TIMM17A: variants seen among roughly 807,000 people sequenced by gnomAD.
TIMM17A encodes mitochondrial import inner membrane translocase subunit Tim17-A.
Under a neutral mutation model 26.5 loss-of-function variants are expected in TIMM17A, and 15 were observed. The observed-to-expected ratio is 0.57, with a 90% CI of 0.38 to 0.87. TIMM17A has a LOEUF of 0.87. Among genes scored for constraint, TIMM17A ranks in the 40% least tolerant of loss-of-function variants. The probability of loss-of-function intolerance (pLI) is 0.00; values close to 1 mark genes in which losing one functional copy is unlikely to be tolerated. For missense variants in TIMM17A, 201 were observed against 210.0 expected, an observed-to-expected ratio of 0.96 and a Z score of 0.27; for synonymous variants, 80 against 70.8, an observed-to-expected ratio of 1.13 and a Z score of -0.66.
At chr1:201,963,335 C>T (rs950418698) in intron 3 of TIMM17A, 8 of 263,374 alleles carry the variant, frequency 3.0e-5, no homozygotes, top group East Asian at 1.3e-4. Flanking sequence ...TTCAGCCTCC[C>T]AAAGTGCTGG....
Position 201,957,507 on chromosome 1 carries a change from A to G in TIMM17A, c.127-4A>G, listed in dbSNP as rs745706800. ...TTTTTGTTGCTTCCTTTTTTTTGTT[A>G]TAGGGAGTAAACCACAGACTACGAG... On this transcript the variant is annotated splice_region_variant and splice_polypyrimidine_tract_variant and intron_variant, in intron 2 of 5. Transcript: ENST00000367287. 4 of 1,612,972 alleles carry G rather than the reference A, an allele frequency of 2.5e-6. No homozygotes were observed. The highest frequency in any genetic ancestry group is 2.7e-5 in the African/African-American group (2 of 74,906).
At chr1:201,961,817 C>A (rs745981650) in intron 3 of TIMM17A, among the ~76,000 whole-genome samples, 5 of 151,916 alleles carry the variant, frequency 3.3e-5, no homozygotes, top group Non-Finnish European at 5.9e-5. Context: ...TCATTATTTT[C>A]TTCCTTTTCA....
At chr1:201,965,159 C>T (rs1404740284) in intron 4 of TIMM17A, among the ~76,000 whole-genome samples, 1 of 152,080 alleles carries the variant, frequency 6.6e-6, no homozygotes, top group Non-Finnish European at 1.5e-5. Context: ...CCCATGTTGG[C>T]CAGGCTGGTC....
intron 3 of TIMM17A, among the ~76,000 whole-genome samples, chr1:201,959,438 G>A (rs1257174542): frequency 6.6e-6 from 1 of 151,944 alleles, no homozygotes; most frequent in Non-Finnish European, 1.5e-5. Context: ...GGTGGATCAC[G>A]AGGTCAGGAG....
At chr1:201,966,990 GTT>G (rs1026757792) in intron 5 of TIMM17A, among the ~76,000 whole-genome samples, 6 of 35,480 alleles carry the variant, frequency 1.7e-4, no homozygotes, top group Admixed American at 4.4e-4. Flanking sequence ...TATTATATAT[GTT>G]GTGTGTGTGT....
At position 201,963,744 on chromosome 1, in the gene TIMM17A, A is replaced by G. The variant is rs951744781; in HGVS notation, c.319A>G (p.Asn107Asp). 2.5e-6 allele frequency: 4 copies of G among 1,596,534 alleles called. No homozygotes were observed. The African/African-American group carries it at 4.1e-5, about 16-fold the overall frequency. ...AACGGGAGCCATACTGGCAGCAAGA[A>G]GTAAGTAGTCATTACAGACATACTA... The part of the protein sequence containing the change: ...ALTGAILAAR[N>D]GPVAMVGSAA... Residue 107 changes from asparagine to aspartate, a missense_variant and splice_region_variant, in exon 4 of 6, where the codon AAT becomes GAT. By Grantham distance (23) the Asn-to-Asp change is conservative (BLOSUM62 1). Transcript: ENST00000367287.
intron 1 of TIMM17A, 86 bp downstream of exon 1, chr1:201,955,638 C>A: frequency 6.4e-7 from 1 of 1,573,550 alleles, no homozygotes; most frequent in Non-Finnish European, 8.7e-7. Flanking sequence ...AAGGTGCAAG[C>A]CAGACTCAAC....
At chr1:201,962,278 A>C (rs1411872233) in intron 3 of TIMM17A, 6 of 152,206 alleles carry the variant, frequency 3.9e-5, no homozygotes, top group Non-Finnish European at 7.3e-5. Context: ...ATAGGATGTG[A>C]TGTCTAATAT....
At chr1:201,962,445 C>G (rs2102943605) in intron 3 of TIMM17A, 1 of 152,394 alleles carries the variant, frequency 6.6e-6, no homozygotes, top group South Asian at 2.1e-4. Flanking sequence ...CTCCTGGGTT[C>G]ACACCATTCT....
At position 201,959,260 on chromosome 1, in the gene TIMM17A, G is replaced by A. The variant is rs1048283051; in HGVS notation, c.190+1686G>A. Reference sequence around the variant, plus strand: ...AGTCCCAGCTACTCAGGAGGCTGACGCAGGAGAATCGCTTGAACCCAGGAG... The same window carrying A: ...AGTCCCAGCTACTCAGGAGGCTGACACAGGAGAATCGCTTGAACCCAGGAG... On this transcript the variant is annotated intron_variant, in intron 3 of 5. Transcript: ENST00000367287. Among the ~76,000 whole-genome samples, 9 of 152,176 alleles carry A rather than the reference G, an allele frequency of 5.9e-5. 1 individual carries two copies. The highest frequency in any genetic ancestry group is 1.0e-4 in the Non-Finnish European group (7 of 68,020).
In TIMM17A at chr1:201,957,503, T is replaced by TG; in HGVS notation, c.127-7dup. 2 of 1,612,356 alleles carry TG rather than the reference T, an allele frequency of 1.2e-6. No homozygotes were observed. The highest frequency in any genetic ancestry group is 1.7e-6 in the Non-Finnish European group (2 of 1,179,528). On this transcript the variant is annotated splice_polypyrimidine_tract_variant and splice_region_variant and intron_variant, in intron 2 of 5. Transcript: ENST00000367287. The stretch of plus-strand genomic sequence containing the variant: ...ATATTTTTTGTTGCTTCCTTTTTTT[T>TG]GTTATAGGGAGTAAACCACAGACTA...
intron 3 of TIMM17A, among the ~76,000 whole-genome samples, chr1:201,958,318 A>T (rs1338072242): frequency 6.6e-6 from 1 of 152,220 alleles, no homozygotes; most frequent in Non-Finnish European, 1.5e-5. Flanking sequence ...ATTTGAAAAG[A>T]TTCTATTCAT....
At chr1:201,964,969 T>A (rs1000328603) in intron 4 of TIMM17A, among the ~76,000 whole-genome samples, 1 of 150,770 alleles carries the variant, frequency 6.6e-6, no homozygotes, top group Non-Finnish European at 1.5e-5. Context: ...TTTATTTTCT[T>A]GAGACGGAGT....
At chr1:201,967,825 C>T (rs183188711) in intron 5 of TIMM17A, among the ~76,000 whole-genome samples, 1 of 152,228 alleles carries the variant, frequency 6.6e-6, no homozygotes, top group African/African-American at 2.4e-5. Context: ...GGGTGAGCCA[C>T]CGTGCCCAGC....
chr1:201,969,214 T>G (rs1682689329), intron 5 of TIMM17A, among the ~76,000 whole-genome samples: 2 of 152,234 alleles, frequency 1.3e-5, no homozygotes, highest in South Asian at 2.1e-4. Flanking sequence ...TTAATCCGTC[T>G]GACTTTCCTA....
chr1:201,959,326 A>C (rs1333535986), intron 3 of TIMM17A, among the ~76,000 whole-genome samples: 1 of 151,836 alleles, frequency 6.6e-6, no homozygotes, highest in Non-Finnish European at 1.5e-5. Context: ...ACTGTACTCC[A>C]GGCGGGGTGA....
At chr1:201,955,741 G>T (rs1478663989) in intron 1 of TIMM17A, among the ~76,000 whole-genome samples, 189 bp downstream of exon 1, 2 of 152,208 alleles carry the variant, frequency 1.3e-5, no homozygotes, top group Admixed American at 6.5e-5. Flanking sequence ...CTCCCCGGCC[G>T]CGTGAGCCTC....
intron 1 of TIMM17A, 139 bp downstream of exon 1, chr1:201,955,691 C>T: frequency 8.4e-7 from 1 of 1,193,440 alleles, no homozygotes; most frequent in Non-Finnish European, 1.2e-6. Context: ...GCAATGCGGT[C>T]TTTCGCGGCC....
chr1:201,959,129 G>A (rs1021262896), intron 3 of TIMM17A, among the ~76,000 whole-genome samples: 27 of 152,278 alleles, frequency 1.8e-4, no homozygotes, highest in Admixed American at 1.6e-3. Flanking sequence ...ATCACCTTAC[G>A]CATTTTCAGT....
Sources: gnomAD v4.1 joint callset for allele counts (sites outside exome capture counted in the v4.1 genomes callset) on GRCh38, gnomAD v4.1.1 for gene constraint, MANE v1.5 for transcripts, NCBI Gene and HGNC (gene_info 2026-07-23, HGNC 2026-07-21) for gene names.